Variants in NAPA observed in about 807,000 individuals in gnomAD.
NAPA encodes NSF attachment protein alpha.
Under a neutral mutation model 48.0 loss-of-function variants are expected in NAPA, and 18 were observed. The ratio of observed to expected loss-of-function variants is 0.38; its 90% confidence interval spans 0.26 to 0.56. The LOEUF (loss-of-function observed/expected upper bound fraction) is 0.56, where lower values mean the gene tolerates loss of function less well. Ranked by LOEUF, NAPA falls within the 20% of genes least tolerant of loss-of-function variation. NAPA has a pLI of 0.77. For synonymous variants in NAPA, 152 were observed against 149.9 expected, an observed-to-expected ratio of 1.01 and a Z score of -0.10; for missense variants, 315 against 385.0, an observed-to-expected ratio of 0.82 and a Z score of 1.52.
At position 47,492,117 on chromosome 19, in the gene NAPA, C is replaced by T. The variant is rs142989818; in HGVS notation, c.564G>A (p.Val188=). 2 of 1,613,280 alleles carry T rather than the reference C, an allele frequency of 1.2e-6. No homozygotes were observed. The highest frequency in any genetic ancestry group is 2.7e-5 in the African/African-American group (2 of 74,918). ...YQKAIDIYEQ[V]GTNAMDSPLL... ...GGGGGCTGTCCATGGCATTGGTCCC[C>T]ACCTGTAGCCATGGAGAAGTGGCAC... The change falls in exon 8 of 11, where the codon GTG becomes GTA. Residue 188 remains valine (V), a splice_region_variant and synonymous_variant. Coordinates refer to ENST00000263354, the MANE Select transcript of NAPA (RefSeq NM_003827.4).
intron 7 of NAPA, 129 bp from the exon 8 acceptor site, chr19:47,492,248 A>AC (rs1287106892): frequency 2.6e-6 from 2 of 767,154 alleles, no homozygotes; most frequent in Non-Finnish European, 4.2e-6. Flanking sequence ...TTAACCCAGG[A>AC]CCCCAAGGGC....
rs1568462481 is a variant in NAPA, at chr19:47,489,748, G to GC, written c.748dup (p.Ala250GlyfsTer42). 1 of 1,614,034 alleles carries GC rather than the reference G, an allele frequency of 6.2e-7. No individual in the cohort carries two copies. The highest frequency in any genetic ancestry group is 1.1e-5 in the South Asian group (1 of 91,076). On this transcript the variant is annotated frameshift_variant, in exon 10 of 11. Coordinates refer to ENST00000263354, the MANE Select transcript of NAPA (RefSeq NM_003827.4). LOFTEE classifies it high-confidence loss of function. Reference sequence around the variant, plus strand: ...GCTGTCCACATTCTGCTCCTCGTGGGCCTCTAGCAATTTCTGCAAGCAAAT... The same window carrying GC: ...GCTGTCCACATTCTGCTCCTCGTGGGCCCTCTAGCAATTTCTGCAAGCAAAT...
intron 1 of NAPA, among the ~76,000 whole-genome samples, chr19:47,507,355 T>C (rs1968712532): frequency 6.6e-6 from 1 of 152,194 alleles, no homozygotes; most frequent in Admixed American, 6.5e-5. Context: ...TGATGGGACC[T>C]GGGCCAGGGG....
chr19:47,504,695 G>A (rs1232299720), intron 1 of NAPA, among the ~76,000 whole-genome samples: 1 of 151,710 alleles, frequency 6.6e-6, no homozygotes, highest in East Asian at 1.9e-4. Context: ...ATGTGTATGT[G>A]TATATATGTG....
chr19:47,496,751 G>C (rs1157384099), intron 3 of NAPA: 4 of 380,428 alleles, frequency 1.1e-5, no homozygotes, highest in African/African-American at 6.4e-5. Flanking sequence ...TCCGTGGGGA[G>C]GCATCTGGAC....
At chr19:47,511,835 A>G (rs1278128977) in intron 1 of NAPA, among the ~76,000 whole-genome samples, 3 of 152,176 alleles carry the variant, frequency 2.0e-5, no homozygotes, top group Non-Finnish European at 4.4e-5. Context: ...CTTAATAACC[A>G]GCATCTGCTA....
intron 1 of NAPA, among the ~76,000 whole-genome samples, chr19:47,508,598 G>GCGAGACCTGGGCTGAAGTC (rs1211503955): frequency 6.6e-6 from 1 of 152,156 alleles, no homozygotes; most frequent in Non-Finnish European, 1.5e-5. Context: ...CTTTGGGGTG[G>GCGAGACCTGGGCTGAAGTC]CGAGACCTGG....
chr19:47,485,324 G>A (rs115185192), downstream of NAPA, among the ~76,000 whole-genome samples: 473 of 152,350 alleles, frequency 3.1e-3, 2 homozygotes, highest in African/African-American at 0.011. Context: ...TCAAATGGAG[G>A]CTCAGAAAGA....
intron 1 of NAPA, among the ~76,000 whole-genome samples, chr19:47,511,035 C>T (rs2122782059): frequency 6.6e-6 from 1 of 152,344 alleles, no homozygotes; most frequent in South Asian, 2.1e-4. Flanking sequence ...ACAGCACAGA[C>T]ACCCATCGCC....
chr19:47,507,737 G>A (rs140607630), intron 1 of NAPA, among the ~76,000 whole-genome samples: 7 of 152,320 alleles, frequency 4.6e-5, no homozygotes, highest in South Asian at 2.1e-4. Flanking sequence ...GGCGCATGGC[G>A]TTCCCTGCCT....
chr19:47,493,225 A>C lies in NAPA; in HGVS notation c.421-51T>G, dbSNP rs762762782. The C allele has an allele frequency of 6.5e-6, 10 of 1,545,630 alleles. No individual in the cohort carries two copies. The South Asian group carries it at 7.3e-5, about 11-fold the overall frequency. On this transcript the variant is annotated intron_variant, in intron 5 of 10. Transcript: ENST00000263354. The surrounding 1 kb of genome is among the most constrained non-coding windows in gnomAD (Gnocchi z 6.4). ...CAGGGGAGGGCAGGGAAGGGAGAGG[A>C]GGCCTCCGTGAAGCTTCCACACCCT...
Position 47,492,799 on chromosome 19 carries a change from G to T in NAPA, c.561+162C>A, listed in dbSNP as rs1472369007. The T allele has an allele frequency of 5.5e-6, 4 of 731,636 alleles. No homozygotes were observed. In the Admixed American group the frequency reaches 8.0e-5, roughly 15 times the overall value. 45.3% of individuals were successfully genotyped at this position (731,636 alleles called of 1,614,324 possible). ...TCGTAGGTGGAGAACATTCAGCCAG[G>T]CTGAAGACAGGGTGGGGGGATGACA... On this transcript the variant is annotated intron_variant, in intron 7 of 10. Coordinates refer to ENST00000263354, the MANE Select transcript of NAPA (RefSeq NM_003827.4).
chr19:47,492,862 G>T, intron 7 of NAPA, 99 bp downstream of exon 7: 1 of 1,128,104 alleles, frequency 8.9e-7, no homozygotes, highest in Non-Finnish European at 1.3e-6. Flanking sequence ...AGGGTGAGCC[G>T]GGGGAGGGGT....
chr19:47,502,697 G>A (rs918448279), intron 2 of NAPA, among the ~76,000 whole-genome samples: 16 of 152,156 alleles, frequency 1.1e-4, no homozygotes, highest in South Asian at 2.1e-4. Flanking sequence ...AATGAGCCTC[G>A]AAAGGGCTCA....
rs768620489 is a variant in NAPA, at chr19:47,488,323, T to G, written c.853A>C (p.Lys285Gln). 3 of 1,613,566 alleles carry G rather than the reference T, an allele frequency of 1.9e-6. No individual in the cohort carries two copies. Among genetic ancestry groups the G allele is most frequent in the Admixed American group, 1.7e-5 (1 of 59,988 alleles). ...WLTTMLLRIK[K>Q]TIQGDEEDLR ...TCCTCCTCATCGCCCTGGATGGTCT[T>G]CTTGATGCGCAGCAGCATGGTGGTG... The change falls in exon 11 of 11, where the codon AAG (lysine) becomes CAG (glutamine). Residue 285 changes from lysine (K) to glutamine (Q), a missense_variant. Lys to Gln is a moderately conservative substitution (Grantham distance 53). Coordinates refer to ENST00000263354, the MANE Select transcript of NAPA (RefSeq NM_003827.4).
At chr19:47,512,837 T>C (rs1038784095) in intron 1 of NAPA, 1 of 152,242 alleles carries the variant, frequency 6.6e-6, no homozygotes, top group African/African-American at 2.4e-5. Context: ...AGAGCCCTTT[T>C]CCTGTTCCTT....
chr19:47,485,188 G>A (rs938137642), downstream of NAPA, among the ~76,000 whole-genome samples: 2 of 152,030 alleles, frequency 1.3e-5, no homozygotes, highest in Non-Finnish European at 2.9e-5. Flanking sequence ...CCTCCCTGCC[G>A]GTTCACTTAT....
intron 1 of NAPA, among the ~76,000 whole-genome samples, chr19:47,508,242 A>T (rs531279012): frequency 6.6e-6 from 1 of 152,354 alleles, no homozygotes; most frequent in East Asian, 1.9e-4. Context: ...CCACCCTGGC[A>T]CAGGGAGCCG....
At chr19:47,490,525 T>C (rs1968233363) in intron 9 of NAPA, among the ~76,000 whole-genome samples, 1 of 84,864 alleles carries the variant, frequency 1.2e-5, no homozygotes, top group Non-Finnish European at 2.5e-5. Flanking sequence ...TAGTGTATGT[T>C]TGGTGTGTGT....
Sources: allele counts gnomAD v4.1 joint callset (sites outside exome capture counted in the v4.1 genomes callset), GRCh38; gene constraint gnomAD v4.1.1; non-coding constraint Gnocchi (gnomAD v3.1); transcripts MANE v1.5; gene names NCBI Gene and HGNC (gene_info 2026-07-23, HGNC 2026-07-21).